MYO1E: variants seen among roughly 807,000 people sequenced by gnomAD.
MYO1E encodes myosin IE, also known as unconventional myosin-Ie.
Under a neutral mutation model 151.1 loss-of-function variants are expected in MYO1E, and 68 were observed. That is an observed-to-expected ratio of 0.45 (90% CI 0.37 to 0.55). The LOEUF is 0.55. MYO1E is among the 20% of genes least tolerant of loss of function. The pLI is 0.00. For missense variants in MYO1E, 1,363 were observed against 1,389.3 expected (o/e 0.98, Z 0.30); for synonymous variants, 601 against 501.7 (o/e 1.20, Z -2.64).
At chr15:59,182,493 A>G (rs995665139) in intron 18 of MYO1E, among the ~76,000 whole-genome samples, 3 of 152,128 alleles carry the variant, frequency 2.0e-5, no homozygotes, top group Non-Finnish European at 2.9e-5. Context: ...GATTATAGGC[A>G]TTGAGCCATC....
At chr15:59,212,204 T>C (rs1419061484) in intron 12 of MYO1E, among the ~76,000 whole-genome samples, 2 of 151,898 alleles carry the variant, frequency 1.3e-5, no homozygotes, top group African/African-American at 4.8e-5. Context: ...GAAACCCATA[T>C]GGAAACTACC....
Position 59,134,885 on chromosome 15 carries a change from A to G in MYO1E, c.*2495T>C, listed in dbSNP as rs2079363319. ...TAGATCCACAGACTAGAGGAAACCC[A>G]GGTTAGTGTCTTAAAGGGAAAAAAG... On this transcript the variant is annotated 3_prime_UTR_variant, in exon 28 of 28. Coordinates refer to ENST00000288235, the MANE Select transcript of MYO1E (RefSeq NM_004998.4). 1.3e-5 allele frequency: 2 copies of G among 152,176 alleles called. No homozygotes were observed. Among genetic ancestry groups the G allele is most frequent in the African/African-American group, 4.8e-5 (2 of 41,462 alleles). The allele number at this position is 152,176 out of a possible 1,614,324, so 9.4% of individuals were successfully genotyped here. A position where few individuals can be genotyped will look rare whatever the true frequency, so the allele number is the denominator to read the frequency against.
chr15:59,279,138 C>T (rs1372261295), intron 1 of MYO1E, among the ~76,000 whole-genome samples: 2 of 152,142 alleles, frequency 1.3e-5, no homozygotes, highest in Non-Finnish European at 2.9e-5. Context: ...TGAGACCTGA[C>T]ACAGGGATTT....
chr15:59,297,819 T>C (rs1313581980), intron 1 of MYO1E, among the ~76,000 whole-genome samples: 2 of 152,080 alleles, frequency 1.3e-5, no homozygotes, highest in East Asian at 3.9e-4. Flanking sequence ...TAAGCTCGAG[T>C]GATCCTCCCA....
intron 14 of MYO1E, chr15:59,207,925 C>T (rs1384170600): frequency 6.2e-7 from 1 of 1,614,014 alleles, no homozygotes; most frequent in South Asian, 1.1e-5. Flanking sequence ...AATTAAGGGC[C>T]TCTATGGAAT....
Position 59,372,761 on chromosome 15 carries a change from C to T in MYO1E, c.-261G>A, listed in dbSNP as rs373100760. The T allele has an allele frequency of 5.6e-6, 3 of 539,724 alleles. No individual in the cohort carries two copies. The highest frequency in any genetic ancestry group is 9.8e-6 in the Non-Finnish European group (3 of 306,270). The allele number at this position is 539,724 out of a possible 1,614,324, so 33.4% of individuals were successfully genotyped here. ...GAGGGCAAGAGTCCACTCGTACTCGCCGGTCGCCGCCGGCCCAGGTGAGTC... is the reference window on the plus strand; with the variant it reads ...GAGGGCAAGAGTCCACTCGTACTCGTCGGTCGCCGCCGGCCCAGGTGAGTC... On this transcript the variant is annotated 5_prime_UTR_variant, in exon 1 of 28. Coordinates refer to ENST00000288235, the MANE Select transcript of MYO1E (RefSeq NM_004998.4).
At chr15:59,261,010 T>TC (rs1348482647) in intron 3 of MYO1E, among the ~76,000 whole-genome samples, 1 of 152,016 alleles carries the variant, frequency 6.6e-6, no homozygotes, top group African/African-American at 2.4e-5. Context: ...GGTCAGGCGT[T>TC]CAAGACTAGC....
At chr15:59,297,437 A>ATTTTTTTTTTTTTT (rs755470049) in intron 1 of MYO1E, among the ~76,000 whole-genome samples, 1,626 of 63,258 alleles carry the variant, frequency 0.026, 309 homozygotes, top group Non-Finnish European at 0.046. Context: ...CACCCAGCTA[A>ATTTTTTTTTTTTTT]TTTTTTTTTT....
intron 1 of MYO1E, among the ~76,000 whole-genome samples, chr15:59,335,115 G>A (rs61414031): frequency 0.47 from 71,241 of 152,038 alleles, 21,078 homozygotes; most frequent in Non-Finnish European, 0.66. Context: ...GAAAAACAAG[G>A]GCATTCTTGT....
At position 59,272,519 on chromosome 15, in the gene MYO1E, T is replaced by C; in HGVS notation, c.4-70A>G. The C allele has an allele frequency of 3.3e-6, 5 of 1,494,374 alleles. No individual in the cohort carries two copies. The Admixed American group carries it at 6.8e-5, about 20-fold the overall frequency. The allele number at this position is 1,494,374 out of a possible 1,614,324, so 92.6% of individuals were successfully genotyped here. A position where few individuals can be genotyped will look rare whatever the true frequency, so the allele number is the denominator to read the frequency against. ...CTGTAGTAACAAAGACAAAATGCTG[T>C]TAATTTCCCAAATATTCTTAAAATA... On this transcript the variant is annotated intron_variant, in intron 1 of 27. Transcript: ENST00000288235.
At chr15:59,138,158 T>G (rs2079384730) in intron 27 of MYO1E, 40 bp downstream of exon 27, 1 of 1,606,118 alleles carries the variant, frequency 6.2e-7, no homozygotes, top group South Asian at 1.1e-5. Flanking sequence ...GACTGCATGC[T>G]CTTTGGGAGG....
intron 1 of MYO1E, among the ~76,000 whole-genome samples, chr15:59,368,564 T>C (rs11854356): frequency 0.15 from 21,946 of 149,584 alleles, 1,657 homozygotes; most frequent in East Asian, 0.28. Flanking sequence ...GCCAACATAG[T>C]GGAACCCCGT....
intron 1 of MYO1E, among the ~76,000 whole-genome samples, chr15:59,280,642 T>A (rs1229389856): frequency 6.7e-6 from 1 of 148,744 alleles, no homozygotes; most frequent in Non-Finnish European, 1.5e-5. Context: ...AAAAAAAGGA[T>A]GTCTTATAAT....
chr15:59,249,956 G>C (rs186077420), intron 4 of MYO1E, among the ~76,000 whole-genome samples: 89 of 152,102 alleles, frequency 5.9e-4, no homozygotes, highest in African/African-American at 2.1e-3. Context: ...TCCAAAACCA[G>C]TTCCTTCACA....
At chr15:59,183,514 T>G (rs12908949) in intron 18 of MYO1E, among the ~76,000 whole-genome samples, 44,532 of 151,922 alleles carry the variant, frequency 0.29, 7,129 homozygotes, top group East Asian at 0.56. Context: ...AAGTTTTTTT[T>G]GGGGGGTGGA....
intron 1 of MYO1E, among the ~76,000 whole-genome samples, chr15:59,335,273 T>C (rs2140425397): frequency 6.6e-6 from 1 of 152,306 alleles, no homozygotes; most frequent in East Asian, 1.9e-4. Context: ...ATATGTACTA[T>C]CCTTGGTATG....
At chr15:59,213,494 C>T (rs1170208352) in intron 12 of MYO1E, among the ~76,000 whole-genome samples, 1 of 150,104 alleles carries the variant, frequency 6.7e-6, no homozygotes, top group East Asian at 2.0e-4. Flanking sequence ...GAGATAGAGT[C>T]TTGCTCTGTT....
chr15:59,300,678 C>T (rs2080476790), intron 1 of MYO1E, among the ~76,000 whole-genome samples: 1 of 151,936 alleles, frequency 6.6e-6, no homozygotes, highest in Admixed American at 6.6e-5. Flanking sequence ...TTCCGGGGTT[C>T]CCATTAAAAA....
chr15:59,170,980 C>G (rs1300358477), intron 22 of MYO1E, among the ~76,000 whole-genome samples: 1 of 152,168 alleles, frequency 6.6e-6, no homozygotes, highest in African/African-American at 2.4e-5. Flanking sequence ...ATCTTTAATG[C>G]AAAGGCCCAA....
Sources: allele counts gnomAD v4.1 joint callset (sites outside exome capture counted in the v4.1 genomes callset), GRCh38; gene constraint gnomAD v4.1.1; transcripts MANE v1.5; gene names NCBI Gene and HGNC (gene_info 2026-07-23, HGNC 2026-07-21).